Variants in GALNT18 observed in about 807,000 individuals in gnomAD.
GALNT18 encodes GalNAc-transferase 18.
A neutral mutation model predicts 69.5 loss-of-function variants in GALNT18; 44 were observed. The observed-to-expected ratio is 0.63, with a 90% CI of 0.50 to 0.81. GALNT18 has a LOEUF of 0.81. GALNT18 is among the 40% of genes least tolerant of loss of function. The pLI is 0.00. For missense variants in GALNT18, 715 were observed against 810.0 expected (o/e 0.88, Z 1.42); for synonymous variants, 364 against 318.2 (o/e 1.14, Z -1.53).
rs1205172105 is a variant in GALNT18, at chr11:11,583,055, GT to G, written c.235+38303del. Among the ~76,000 whole-genome samples, 1 of 152,196 alleles carries G rather than the reference GT, an allele frequency of 6.6e-6. No individual in the cohort carries two copies. Among genetic ancestry groups the G allele is most frequent in the African/African-American group, 2.4e-5 (1 of 41,424 alleles). On this transcript the variant is annotated intron_variant, in intron 1 of 10. Transcript: ENST00000227756. This position sits in a 1 kb window ranked among gnomAD's most constrained non-coding sequence, Gnocchi z 4.7. Reference sequence around the variant, plus strand: ...TCCTGCCAACACTCAACTCAGGAAGGTCGTTCATGTGCTCTTCCATAAAAAC... The same window carrying G: ...TCCTGCCAACACTCAACTCAGGAAGGCGTTCATGTGCTCTTCCATAAAAAC...
intron 1 of GALNT18, among the ~76,000 whole-genome samples, chr11:11,579,672 C>T (rs1859025770): frequency 6.6e-6 from 1 of 151,970 alleles, no homozygotes. Flanking sequence ...AGAGCAGGTA[C>T]GATTAAGATT....
chr11:11,448,568 A>G (rs2133819176), intron 2 of GALNT18, among the ~76,000 whole-genome samples, 176 bp downstream of exon 2: 1 of 152,360 alleles, frequency 6.6e-6, no homozygotes. Flanking sequence ...GGAGAAACTG[A>G]GGCTGAGGGA....
rs1235894923 is a variant in GALNT18, at chr11:11,461,140, C to T, written c.236-12204G>A. ...CTCTGCAAGCTTAGTCCAGATACTA[C>T]AGGATGATCTCTCTCCGTCAGAAAA... On this transcript the variant is annotated intron_variant, in intron 1 of 10. Transcript: ENST00000227756. The surrounding 1 kb of genome is among the most constrained non-coding windows in gnomAD (Gnocchi z 4.1). Among the ~76,000 whole-genome samples the T allele has an allele frequency of 6.6e-6, 1 of 152,188 alleles. No individual in the cohort carries two copies. Among genetic ancestry groups the T allele is most frequent in the Non-Finnish European group, 1.5e-5 (1 of 68,036 alleles).
rs1445759845 is a variant in GALNT18, at chr11:11,463,252, G to A, written c.236-14316C>T. On this transcript the variant is annotated intron_variant, in intron 1 of 10. Coordinates refer to ENST00000227756, the MANE Select transcript of GALNT18 (RefSeq NM_198516.3). The surrounding 1 kb of genome is among the most constrained non-coding windows in gnomAD (Gnocchi z 4.2). ...GAGAGAGAGAGAGAGAGTTCCAGAA[G>A]CCCGCAGCAGCCTACAAAAGCTCAT... Among the ~76,000 whole-genome samples the A allele has an allele frequency of 1.3e-5, 2 of 151,842 alleles. No homozygotes were observed. Among genetic ancestry groups the A allele is most frequent in the Non-Finnish European group, 2.9e-5 (2 of 67,986 alleles).
At chr11:11,373,707 T>G (rs1297794047) in intron 5 of GALNT18, among the ~76,000 whole-genome samples, 1 of 152,244 alleles carries the variant, frequency 6.6e-6, no homozygotes, top group Non-Finnish European at 1.5e-5. Flanking sequence ...ACCAGCTCTG[T>G]GAAGACACCC....
rs1589997333 is a variant in GALNT18, at chr11:11,432,990, C to A, written c.429-203G>T. On this transcript the variant is annotated intron_variant, in intron 2 of 10. Transcript: ENST00000227756. The surrounding 1 kb of genome is among the most constrained non-coding windows in gnomAD (Gnocchi z 5.8). ...AGCATTGAAACCAGTTCACCCCACA[C>A]CTGAGTTGAAGTTGTCAGTGACTAT... is the stretch of plus-strand genomic sequence containing the variant. 2.0e-5 allele frequency among the ~76,000 whole-genome samples: 3 copies of A among 152,304 alleles called. No individual in the cohort carries two copies. Among genetic ancestry groups the A allele is most frequent in the Admixed American group, 1.3e-4 (2 of 15,304 alleles).
chr11:11,287,059 A>G (rs1849208250), intron 10 of GALNT18, among the ~76,000 whole-genome samples: 1 of 152,126 alleles, frequency 6.6e-6, no homozygotes, highest in Non-Finnish European at 1.5e-5. Context: ...CACCAGCTCT[A>G]TGAAGAAGCA....
chr11:11,336,748 G>T (rs960996049), intron 7 of GALNT18, among the ~76,000 whole-genome samples: 3 of 152,136 alleles, frequency 2.0e-5, no homozygotes, highest in African/African-American at 4.8e-5. Flanking sequence ...CCTTTACCAA[G>T]CACCTGTTTA....
chr11:11,489,815 A>C (rs557057751), intron 1 of GALNT18, among the ~76,000 whole-genome samples: 1 of 152,280 alleles, frequency 6.6e-6, no homozygotes, highest in South Asian at 2.1e-4. Flanking sequence ...ATCCTGTTTT[A>C]CAAATAGGAA....
At chr11:11,358,445 A>G (rs915696064) in intron 6 of GALNT18, among the ~76,000 whole-genome samples, 5 of 140,550 alleles carry the variant, frequency 3.6e-5, no homozygotes, top group African/African-American at 1.3e-4. Flanking sequence ...TGAAATATCA[A>G]TGCCATCTTT....
In GALNT18 at chr11:11,546,840, G is replaced by A. The variant is rs60547849; in HGVS notation, c.235+74519C>T. 4.0e-5 allele frequency among the ~76,000 whole-genome samples: 6 copies of A among 151,806 alleles called. No homozygotes were observed. Among genetic ancestry groups the A allele is most frequent in the African/African-American group, 1.4e-4 (6 of 41,446 alleles). ...TTCGGTCAGATGGATGGATGGGTGG[G>A]TTGGGTGTGTGGGTGGGCAGATGAG... On this transcript the variant is annotated intron_variant, in intron 1 of 10. Transcript: ENST00000227756. This position sits in a 1 kb window ranked among gnomAD's most constrained non-coding sequence, Gnocchi z 5.8.
chr11:11,532,682 A>G (rs1435604455), intron 1 of GALNT18, among the ~76,000 whole-genome samples: 1 of 152,242 alleles, frequency 6.6e-6, no homozygotes, highest in Non-Finnish European at 1.5e-5. Flanking sequence ...GCAGTCCTGG[A>G]AAAACACAGA....
chr11:11,355,431 C>G (rs1850510233), intron 6 of GALNT18, among the ~76,000 whole-genome samples: 1 of 152,136 alleles, frequency 6.6e-6, no homozygotes. Flanking sequence ...ACAAAAAATT[C>G]TCAGTAGAAT....
At chr11:11,328,076 TG>T (rs1188022212) in intron 8 of GALNT18, among the ~76,000 whole-genome samples, 1 of 152,050 alleles carries the variant, frequency 6.6e-6, no homozygotes, top group Non-Finnish European at 1.5e-5. Flanking sequence ...AAACTGGGCA[TG>T]GGGGGTTCTG....
In GALNT18 at chr11:11,309,626, G is replaced by A. The variant is rs1048827150; in HGVS notation, c.1513-16433C>T. ...CTAGCACCACCAGAGAAAATTCATG[G>A]AACTGGGTAAATTAAATCCACCACA... On this transcript the variant is annotated intron_variant, in intron 9 of 10. Transcript: ENST00000227756. This position sits in a 1 kb window ranked among gnomAD's most constrained non-coding sequence, Gnocchi z 4.6. Among the ~76,000 whole-genome samples the A allele has an allele frequency of 1.3e-5, 2 of 151,982 alleles. No individual in the cohort carries two copies. Among genetic ancestry groups the A allele is most frequent in the African/African-American group, 4.8e-5 (2 of 41,370 alleles).
rs1859168156 is a variant in GALNT18 at position 11,584,533 on chromosome 11, A to T, written c.235+36826T>A. Among the ~76,000 whole-genome samples the T allele has an allele frequency of 6.6e-6, 1 of 152,118 alleles. No individual in the cohort carries two copies. The highest frequency in any genetic ancestry group is 2.1e-4 in the South Asian group (1 of 4,818). ...GAGAAGCACGTCTGAACACGTAAGG[A>T]CCGAGAGGCGAGTCTTCAGTGAAAC... On this transcript the variant is annotated intron_variant, in intron 1 of 10. Coordinates refer to ENST00000227756, the MANE Select transcript of GALNT18 (RefSeq NM_198516.3). The surrounding 1 kb of genome is among the most constrained non-coding windows in gnomAD (Gnocchi z 4.1).
chr11:11,341,065 C>A lies in GALNT18; in HGVS notation c.1093-61G>T. On this transcript the variant is annotated intron_variant, in intron 6 of 10. Coordinates refer to ENST00000227756, the MANE Select transcript of GALNT18 (RefSeq NM_198516.3). This position sits in a 1 kb window ranked among gnomAD's most constrained non-coding sequence, Gnocchi z 6.3. The stretch of plus-strand genomic sequence containing the variant: ...CTGGCTCTGCCTTTCTACACCAGGC[C>A]TCAGGCAGCCACTTGACATGAGCAG... 5 of 1,483,640 alleles carry A rather than the reference C, an allele frequency of 3.4e-6. No homozygotes were observed. The highest frequency in any genetic ancestry group is 3.6e-6 in the Non-Finnish European group (4 of 1,099,294). The allele number at this position is 1,483,640 out of a possible 1,614,324, so 91.9% of individuals were successfully genotyped here. A position where few individuals can be genotyped will look rare whatever the true frequency, so the allele number is the denominator to read the frequency against.
rs1432613142 is a variant in GALNT18, at chr11:11,478,251, AC to A, written c.236-29316del. Among the ~76,000 whole-genome samples the A allele has an allele frequency of 1.2e-4, 18 of 152,238 alleles. 1 individual carries two copies. On this transcript the variant is annotated intron_variant, in intron 1 of 10. Transcript: ENST00000227756. ...TCAGCACCTTCAAAATTCCAGAGAA[AC>A]TTGTTTTCAACCTAGAGTTCTAAAG...
At chr11:11,308,421 T>C (rs1849614585) in intron 9 of GALNT18, among the ~76,000 whole-genome samples, 1 of 152,146 alleles carries the variant, frequency 6.6e-6, no homozygotes. Context: ...CTGTGCTTCG[T>C]CCCCAGTTGA....
Sources: gnomAD v4.1 joint callset for allele counts (sites outside exome capture counted in the v4.1 genomes callset) on GRCh38, gnomAD v4.1.1 for gene constraint, Gnocchi (gnomAD v3.1) non-coding constraint, MANE v1.5 for transcripts, NCBI Gene and HGNC (gene_info 2026-07-23, HGNC 2026-07-21) for gene names.